Variants in TPM1 observed in about 807,000 individuals in gnomAD.
TPM1 encodes the protein tropomyosin alpha-1 chain.
A neutral mutation model predicts 42.9 loss-of-function variants in TPM1; 24 were observed. That is an observed-to-expected ratio of 0.56 (90% confidence interval 0.41 to 0.79). The LOEUF is 0.79. TPM1 is among the 30% of genes least tolerant of loss of function. TPM1 has a pLI of 0.00. For missense variants in TPM1, 158 were observed against 351.8 expected, an observed-to-expected ratio of 0.45 and a Z score of 4.41; for synonymous variants, 136 against 130.1, an observed-to-expected ratio of 1.05 and a Z score of -0.31.
rs750025028 is a variant in TPM1, at chr15:63,048,753, C to T, written c.240+4601C>T. 3.9e-6 allele frequency: 6 copies of T among 1,519,360 alleles called. No homozygotes were observed. In the South Asian group the frequency reaches 6.2e-5, roughly 16 times the overall value. 94.1% of individuals were successfully genotyped at this position (1,519,360 alleles called of 1,614,324 possible). ...CCCGCAGCCCCCAGAGGCGCATCCT[C>T]CCGGGGCAGCCCCGCAGGGCCCTCC... On this transcript the variant is annotated intron_variant, in intron 2 of 9. Transcript: ENST00000403994.
intron 1 of TPM1, chr15:63,043,632 C>G (rs2031689207): frequency 5.2e-6 from 8 of 1,532,906 alleles, no homozygotes; most frequent in South Asian, 1.2e-5. Context: ...CCAGCCAACC[C>G]GACGCCCGTG....
Position 63,062,648 on chromosome 15 carries a change from A to G in TPM1, c.772+3A>G. The G allele has an allele frequency of 2.5e-6, 4 of 1,614,144 alleles. No homozygotes were observed. The highest frequency in any genetic ancestry group is 1.6e-4 in the Middle Eastern group (1 of 6,062). The stretch of plus-strand genomic sequence containing the variant: ...GAAAAGCATTGATGACTTAGAAGGT[A>G]AGATCTTAAGTAGTGTTTTTAGTTT... On this transcript the variant is annotated splice_donor_region_variant and intron_variant, in intron 8 of 9. Transcript: ENST00000403994.
downstream of TPM1, chr15:63,070,215 A>T: frequency 1.6e-6 from 2 of 1,235,714 alleles, no homozygotes; most frequent in Non-Finnish European, 2.1e-6. Flanking sequence ...CTCTTGTTTG[A>T]ACTGATAAAT....
At chr15:63,046,628 AGT>A (rs1298226261) in intron 2 of TPM1, 1 of 152,590 alleles carries the variant, frequency 6.6e-6, no homozygotes, top group African/African-American at 2.4e-5. Context: ...CTAAGTCAAA[AGT>A]GAGGCTGAAG....
chr15:63,048,405 G>C lies in TPM1; in HGVS notation c.240+4253G>C, dbSNP rs2032941287. The C allele has an allele frequency of 2.2e-6, 3 of 1,359,490 alleles. No homozygotes were observed. In the Admixed American group the frequency reaches 1.2e-4, roughly 53 times the overall value. 84.2% of individuals were successfully genotyped at this position (1,359,490 alleles called of 1,614,324 possible). The stretch of plus-strand genomic sequence containing the variant: ...TGCGGTTTGTCTGCGCAGCCCTGGA[G>C]GCTGCGACTTCCGGACTGCTCCTGG... On this transcript the variant is annotated intron_variant, in intron 2 of 9. Transcript: ENST00000403994.
intron 3 of TPM1, among the ~76,000 whole-genome samples, chr15:63,058,893 TAC>T (rs2140929463): frequency 6.6e-6 from 1 of 152,328 alleles, no homozygotes; most frequent in African/African-American, 2.4e-5. Context: ...AGGACCCTAA[TAC>T]ACTCAGTGTA....
intron 9 of TPM1, chr15:63,065,113 G>T: frequency 1.0e-6 from 1 of 985,462 alleles, no homozygotes; most frequent in Non-Finnish European, 1.2e-6. Context: ...AACACAGATT[G>T]TACAATGTGA....
chr15:63,071,391 A>G, exon 9 of TPM1: 1 of 507,724 alleles, frequency 2.0e-6, no homozygotes, highest in South Asian at 2.0e-5. Context: ...TGATGCTGCC[A>G]CACTTTGTAG....
At chr15:63,059,376 G>A (rs2035274214) in intron 3 of TPM1, among the ~76,000 whole-genome samples, 187 bp from the exon 4 acceptor site, 2 of 152,238 alleles carry the variant, frequency 1.3e-5, no homozygotes, top group African/African-American at 4.8e-5. Context: ...TGAACAGAGA[G>A]AAATGTGTCT....
chr15:63,063,829 G>C (rs1022068747), intron 8 of TPM1: 1 of 536,090 alleles, frequency 1.9e-6, no homozygotes, highest in Non-Finnish European at 3.3e-6. Flanking sequence ...TTTTCATATT[G>C]AGTCTTTTTC....
chr15:63,061,653 T>C (rs1392530461), intron 5 of TPM1, 60 bp from the exon 6 acceptor site: 3 of 1,529,130 alleles, frequency 2.0e-6, no homozygotes, highest in Non-Finnish European at 2.7e-6. Flanking sequence ...CCTCTCCTTT[T>C]TCTCTCCTCC....
chr15:63,043,050 C>T (rs2031500724), intron 1 of TPM1, 107 bp downstream of exon 1: 1 of 960,502 alleles, frequency 1.0e-6, no homozygotes, highest in Non-Finnish European at 1.6e-6. Context: ...CCACCCTACC[C>T]CCACCACCAC....
Position 63,043,339 on chromosome 15 carries a change from G to C in TPM1, c.114+396G>C, listed in dbSNP as rs1321514382. The C allele has an allele frequency of 1.4e-5, 8 of 553,538 alleles. No individual in the cohort carries two copies. In the Admixed American group the frequency reaches 1.5e-4, roughly 11 times the overall value. The allele number at this position is 553,538 out of a possible 1,614,324, so 34.3% of individuals were successfully genotyped here. ...AAGTTCGTTGACTTTTGACTGGGGA[G>C]AAAGGAACCTTAAACTTGGGGAGGA... On this transcript the variant is annotated intron_variant, in intron 1 of 9. Transcript: ENST00000403994.
chr15:63,070,288 A>ATGTG (rs151128731), downstream of TPM1: 111,218 of 878,904 alleles, frequency 0.13, 8,397 homozygotes, highest in East Asian at 0.55. Flanking sequence ...TACTTTAAGT[A>ATGTG]TGTATATATA....
intron 2 of TPM1, chr15:63,048,246 G>C: frequency 2.0e-6 from 1 of 497,026 alleles, no homozygotes; most frequent in South Asian, 1.5e-5. Context: ...GTGGCCTCCC[G>C]GAGCGCCCAG....
intron 7 of TPM1, 87 bp from the exon 8 acceptor site, chr15:63,062,489 C>CTTCAT: frequency 6.7e-7 from 1 of 1,492,198 alleles, no homozygotes; most frequent in Non-Finnish European, 9.3e-7. Context: ...AGGTGATGTG[C>CTTCAT]TTCATTTTCA....
chr15:63,062,904 G>A (rs1484227698), intron 8 of TPM1: 1 of 1,466,428 alleles, frequency 6.8e-7, no homozygotes, highest in Non-Finnish European at 9.0e-7. Context: ...AAGTGTGGCA[G>A]GTTTATTTTT....
chr15:63,063,089 T>C, intron 8 of TPM1: 1 of 978,714 alleles, frequency 1.0e-6, no homozygotes, highest in South Asian at 4.7e-5. Context: ...TTAAGTCATA[T>C]ATTATCTTAA....
At chr15:63,048,055 T>C (rs2032781498) in intron 2 of TPM1, 1 of 346,890 alleles carries the variant, frequency 2.9e-6, no homozygotes, top group Non-Finnish European at 5.6e-6. Context: ...TTAGGGCATA[T>C]TCCGGCTCCA....
Sources: allele counts gnomAD v4.1 joint callset (sites outside exome capture counted in the v4.1 genomes callset), GRCh38; gene constraint gnomAD v4.1.1; transcripts MANE v1.5; gene names NCBI Gene and HGNC (gene_info 2026-07-23, HGNC 2026-07-21).